Variants in LRRC4C observed in about 807,000 individuals in gnomAD.
LRRC4C encodes the protein leucine rich repeat containing 4C, also known as leucine-rich repeat-containing protein 4C.
LRRC4C carries 5 observed loss-of-function variants against 33.6 expected under a neutral mutation model. The ratio of observed to expected loss-of-function variants is 0.15; its 90% CI spans 0.08 to 0.31. The LOEUF (loss-of-function observed/expected upper bound fraction) is 0.31. Among genes scored for constraint, LRRC4C ranks in the 10% least tolerant of loss-of-function variants. The probability of loss-of-function intolerance (pLI) is 1.00; values close to 1 mark genes in which losing one functional copy is unlikely to be tolerated. For synonymous variants in LRRC4C, 329 were observed against 302.0 expected (o/e 1.09, Z -0.93); for missense variants, 560 against 796.7 (o/e 0.70, Z 3.58).
intron 2 of LRRC4C, among the ~76,000 whole-genome samples, chr11:40,686,154 G>C (rs1035996026): frequency 6.6e-6 from 1 of 151,980 alleles, no homozygotes; most frequent in Non-Finnish European, 1.5e-5. Context: ...TGGGATCCTG[G>C]ACATGTTTCA....
At chr11:40,965,262 A>G (rs1160156035) in intron 1 of LRRC4C, among the ~76,000 whole-genome samples, 2 of 151,828 alleles carry the variant, frequency 1.3e-5, no homozygotes, top group Non-Finnish European at 2.9e-5. Flanking sequence ...TAGATTCTGG[A>G]TATTAGCCCT....
chr11:40,257,815 A>G (rs1867340229), intron 4 of LRRC4C, among the ~76,000 whole-genome samples: 1 of 152,198 alleles, frequency 6.6e-6, no homozygotes, highest in South Asian at 2.1e-4. Context: ...GAGCAAAATG[A>G]TGGAAAGACG....
intron 2 of LRRC4C, among the ~76,000 whole-genome samples, chr11:40,805,657 T>C (rs994172911): frequency 1.3e-5 from 2 of 152,268 alleles, no homozygotes; most frequent in African/African-American, 4.8e-5. Context: ...CCAAGTCTCT[T>C]GTTGACACTA....
chr11:40,727,394 T>TCAC (rs1470072044), intron 2 of LRRC4C, among the ~76,000 whole-genome samples: 1 of 152,150 alleles, frequency 6.6e-6, no homozygotes, highest in Non-Finnish European at 1.5e-5. Flanking sequence ...CCCCTGTTTT[T>TCAC]CACCATATAT....
chr11:40,218,684 T>C (rs564749652), intron 5 of LRRC4C, among the ~76,000 whole-genome samples: 1 of 133,758 alleles, frequency 7.5e-6, no homozygotes, highest in African/African-American at 2.6e-5. Context: ...GGCTAAAGAA[T>C]GATAAAGAAT....
rs571620765 is a variant in LRRC4C, at chr11:40,931,654, G to GGTGT, written c.-407+1977_-407+1980dup. 2.6e-3 allele frequency among the ~76,000 whole-genome samples: 402 copies of GGTGT among 151,776 alleles called. 1 individual carries two copies. The highest frequency in any genetic ancestry group is 8.0e-3 in the African/African-American group (331 of 41,440). Reference sequence around the variant, plus strand: ...GCACTAAAGTAGCCAAGGATAAAGGGGTGTGTATGTGTGTGTGTGTGTGTA... The same window carrying GGTGT: ...GCACTAAAGTAGCCAAGGATAAAGGGGTGTGTGTGTATGTGTGTGTGTGTGTGTA... On this transcript the variant is annotated intron_variant, in intron 2 of 6. Transcript: ENST00000528697.
At chr11:41,158,201 G>T (rs1217648133) in intron 1 of LRRC4C, among the ~76,000 whole-genome samples, 1 of 152,020 alleles carries the variant, frequency 6.6e-6, no homozygotes, top group Non-Finnish European at 1.5e-5. Context: ...TTATCAATTT[G>T]CTAAAGTTGA....
At chr11:41,126,390 T>C (rs957899450) in intron 1 of LRRC4C, among the ~76,000 whole-genome samples, 4 of 151,640 alleles carry the variant, frequency 2.6e-5, no homozygotes, top group Non-Finnish European at 5.9e-5. Flanking sequence ...TCAAGAAGGG[T>C]TGCAATAGGG....
chr11:40,285,253 A>G (rs957600670), intron 4 of LRRC4C, among the ~76,000 whole-genome samples: 5 of 152,192 alleles, frequency 3.3e-5, no homozygotes, highest in Admixed American at 3.3e-4. Flanking sequence ...CAAAGGGGGA[A>G]GCCCTCATTA....
chr11:40,437,629 G>A (rs527486342), intron 3 of LRRC4C, among the ~76,000 whole-genome samples: 36 of 151,762 alleles, frequency 2.4e-4, no homozygotes, highest in African/African-American at 5.8e-4. Context: ...CCTGACCTCT[G>A]GTGATCCACA....
chr11:40,807,303 G>A lies in LRRC4C; in HGVS notation c.-407+126332C>T, dbSNP rs559768735. On this transcript the variant is annotated intron_variant, in intron 2 of 6. Transcript: ENST00000528697. Reference sequence around the variant, plus strand: ...ACCCTGTTGGTGCTACTAGTCCTGCGACAGGCTTCAAGGGACATCTCTCAC... The same window carrying A: ...ACCCTGTTGGTGCTACTAGTCCTGCAACAGGCTTCAAGGGACATCTCTCAC... Among the ~76,000 whole-genome samples, 14 of 152,272 alleles carry A rather than the reference G, an allele frequency of 9.2e-5. No homozygotes were observed. In the South Asian group the frequency reaches 2.5e-3, roughly 27 times the overall value.
chr11:40,905,013 C>T (rs528715045), intron 2 of LRRC4C, among the ~76,000 whole-genome samples: 1 of 152,220 alleles, frequency 6.6e-6, no homozygotes, highest in East Asian at 1.9e-4. Context: ...CACACGCCCA[C>T]CCCCTATCCA....
chr11:41,344,453 C>T (rs956915375), intron 1 of LRRC4C, among the ~76,000 whole-genome samples: 15 of 152,084 alleles, frequency 9.9e-5, no homozygotes, highest in African/African-American at 3.4e-4. Context: ...ATCTCCTGAC[C>T]TCGTGATCCG....
At position 40,547,275 on chromosome 11, in the gene LRRC4C, C is replaced by T. The variant is rs1956960797; in HGVS notation, c.-270+100867G>A. ...GGAAGAGCTGAAGAAAAGAAAATTC[C>T]AAAACTTTTTTTTCATTTCTTTCTA... On this transcript the variant is annotated intron_variant, in intron 3 of 6. Coordinates refer to ENST00000528697, the MANE Select transcript of LRRC4C (RefSeq NM_001258419.2). Among the ~76,000 whole-genome samples, 4 of 152,072 alleles carry T rather than the reference C, an allele frequency of 2.6e-5. No individual in the cohort carries two copies. In the South Asian group the frequency reaches 8.3e-4, roughly 32 times the overall value.
chr11:40,881,659 CT>C (rs57939811), intron 2 of LRRC4C, among the ~76,000 whole-genome samples: 127,036 of 145,368 alleles, frequency 0.87, 55,722 homozygotes, highest in Non-Finnish European at 0.93. Context: ...TAGTTTTTTT[CT>C]TTTTTTTTTT....
At chr11:40,445,690 C>T (rs1397316281) in intron 3 of LRRC4C, 1 of 152,290 alleles carries the variant, frequency 6.6e-6, no homozygotes, top group Non-Finnish European at 1.5e-5. Context: ...TGTGAATAGC[C>T]TGAGACTTCC....
At chr11:40,662,536 G>A (rs969965781) in intron 2 of LRRC4C, among the ~76,000 whole-genome samples, 4 of 152,154 alleles carry the variant, frequency 2.6e-5, no homozygotes, top group African/African-American at 4.8e-5. Flanking sequence ...GGGGACTATC[G>A]GGAGGAACAT....
intron 3 of LRRC4C, among the ~76,000 whole-genome samples, chr11:40,633,395 C>CTTTTTTTTT (rs35352183): frequency 8.0e-6 from 1 of 124,582 alleles, no homozygotes; most frequent in African/African-American, 3.3e-5. Flanking sequence ...TTCTTTCTTT[C>CTTTTTTTTT]TTTTTTTTTT....
chr11:40,591,210 C>G (rs1311652996), intron 3 of LRRC4C, among the ~76,000 whole-genome samples: 1 of 152,134 alleles, frequency 6.6e-6, no homozygotes, highest in Non-Finnish European at 1.5e-5. Flanking sequence ...GTCGGAAAAG[C>G]GCAGTATTCG....
Sources: gnomAD v4.1 joint callset for allele counts (sites outside exome capture counted in the v4.1 genomes callset) on GRCh38, gnomAD v4.1.1 for gene constraint, MANE v1.5 for transcripts, NCBI Gene and HGNC (gene_info 2026-07-23, HGNC 2026-07-21) for gene names.